SRP68: variants seen among roughly 807,000 people sequenced by gnomAD.
SRP68 encodes the protein signal recognition particle 68.
In SRP68, 15 loss-of-function variants were observed where a neutral mutation model predicts 82.2. That is an observed-to-expected ratio of 0.18 (90% CI 0.12 to 0.28). The LOEUF (loss-of-function observed/expected upper bound fraction) is 0.28. Among genes scored for constraint, SRP68 ranks in the 10% least tolerant of loss-of-function variants. The pLI is 1.00. For synonymous variants in SRP68, 261 were observed against 292.6 expected (o/e 0.89, Z 1.10); for missense variants, 595 against 780.5 (o/e 0.76, Z 2.83).
At chr17:76,044,018 T>C in intron 12 of SRP68, 60 bp from the exon 13 acceptor site, 1 of 1,552,918 alleles carries the variant, frequency 6.4e-7, no homozygotes, top group East Asian at 2.3e-5. Context: ...AGACCAAGGC[T>C]TTCCTTGCAG....
intron 4 of SRP68, among the ~76,000 whole-genome samples, chr17:76,062,937 AT>A (rs1212045325): frequency 3.4e-5 from 5 of 148,120 alleles, no homozygotes; most frequent in East Asian, 2.0e-4. Flanking sequence ...CGCCCAGCTA[AT>A]TTTTTGTATT....
chr17:76,054,760 T>G (rs1054535183), intron 8 of SRP68, among the ~76,000 whole-genome samples: 2 of 151,038 alleles, frequency 1.3e-5, no homozygotes, highest in African/African-American at 2.4e-5. Context: ...GACACGGAGG[T>G]TGCAGTGAGC....
chr17:76,053,441 C>T (rs1472623411), intron 8 of SRP68: 10 of 985,152 alleles, frequency 1.0e-5, no homozygotes, highest in East Asian at 1.1e-4. Context: ...GAGCGAACTT[C>T]GTCTTACCAG....
At chr17:76,070,228 A>C in intron 2 of SRP68, 150 bp downstream of exon 2, 4 of 690,214 alleles carry the variant, frequency 5.8e-6, no homozygotes. Context: ...ATCTCAAAAA[A>C]AAAAAAAAAA....
chr17:76,054,216 G>T (rs568848255), intron 8 of SRP68, among the ~76,000 whole-genome samples: 6 of 152,322 alleles, frequency 3.9e-5, no homozygotes, highest in Admixed American at 3.3e-4. Flanking sequence ...GCGAGCTGCA[G>T]TGTGTCCTGA....
At position 76,058,830 on chromosome 17, in the gene SRP68, C is replaced by T. The variant is rs118053306; in HGVS notation, c.838-1287G>A. On this transcript the variant is annotated intron_variant, in intron 7 of 15. Transcript: ENST00000307877. ...AAATAATCAAGAATGTGTGCAAAAT[C>T]TGAGGACATGGACATTCATGGTAAT... Among the ~76,000 whole-genome samples the T allele has an allele frequency of 3.9e-5, 6 of 152,282 alleles. No homozygotes were observed. The East Asian group carries it at 1.2e-3, about 29-fold the overall frequency.
Position 76,047,948 on chromosome 17 carries a change from T to G in SRP68, c.1100A>C (p.Glu367Ala), listed in dbSNP as rs1445132721. Residue 367 changes from glutamate to alanine, a missense_variant, in exon 10 of 16, where the codon GAA (glutamate) becomes GCA (alanine). By Grantham distance (107) the Glu-to-Ala change is moderately radical (BLOSUM62 -1). Coordinates refer to ENST00000307877, the MANE Select transcript of SRP68 (RefSeq NM_014230.4). Reference sequence around the variant, plus strand: ...ATTAGACACCTTCCCTGGCTCTCCTTCAAGGATATAATCTCTCTGTTTCTG... The same window carrying G: ...ATTAGACACCTTCCCTGGCTCTCCTGCAAGGATATAATCTCTCTGTTTCTG... ...PDQKQRDYIL[E>A]GEPGKVSNLQ... The G allele has an allele frequency of 6.3e-7, 1 of 1,579,498 alleles. No individual in the cohort carries two copies. Among genetic ancestry groups the G allele is most frequent in the African/African-American group, 1.3e-5 (1 of 74,262 alleles).
chr17:76,062,090 G>C (rs1478406319), intron 4 of SRP68, among the ~76,000 whole-genome samples: 2 of 152,008 alleles, frequency 1.3e-5, no homozygotes, highest in African/African-American at 2.4e-5. Flanking sequence ...TTGGGGACCA[G>C]CCTGGCCAAC....
At chr17:76,069,905 C>T (rs1444923452) in intron 2 of SRP68, among the ~76,000 whole-genome samples, 2 of 151,360 alleles carry the variant, frequency 1.3e-5, no homozygotes, top group African/African-American at 2.4e-5. Flanking sequence ...GGCGAAACCC[C>T]ATCTCTACTA....
chr17:76,050,697 T>C (rs750009924), intron 8 of SRP68, among the ~76,000 whole-genome samples, 171 bp from the exon 9 acceptor site: 3 of 88,174 alleles, frequency 3.4e-5, no homozygotes, highest in Non-Finnish European at 7.2e-5. Context: ...TGGTTTCTCA[T>C]AGCCTTAGTC....
intron 2 of SRP68, among the ~76,000 whole-genome samples, chr17:76,068,850 G>A (rs1459316402): frequency 1.3e-5 from 2 of 152,000 alleles, no homozygotes. Flanking sequence ...GCAATTCTCG[G>A]GCCTCATCCT....
chr17:76,049,982 A>T (rs577029380), intron 9 of SRP68, among the ~76,000 whole-genome samples: 1 of 152,364 alleles, frequency 6.6e-6, no homozygotes, highest in South Asian at 2.1e-4. Context: ...GCCTAGGCAC[A>T]CGAGAAAAGG....
At chr17:76,052,531 G>A (rs142891987) in intron 8 of SRP68, among the ~76,000 whole-genome samples, 2,352 of 152,256 alleles carry the variant, frequency 0.015, 53 homozygotes, top group African/African-American at 0.054. Context: ...TGGGCTGGGC[G>A]CGGTGGCTCA....
chr17:76,040,788 T>C (rs1404905500), intron 14 of SRP68, 115 bp downstream of exon 14: 4 of 1,016,072 alleles, frequency 3.9e-6, no homozygotes, highest in Non-Finnish European at 6.0e-6. Context: ...AGGAACATCT[T>C]ACAGATGAAC....
chr17:76,039,684 C>G lies in SRP68; in HGVS notation c.*22G>C. 4 of 1,602,324 alleles carry G rather than the reference C, an allele frequency of 2.5e-6. No individual in the cohort carries two copies. Among genetic ancestry groups the G allele is most frequent in the Non-Finnish European group, 3.4e-6 (4 of 1,169,832 alleles). On this transcript the variant is annotated 3_prime_UTR_variant, in exon 16 of 16. Transcript: ENST00000307877. Reference sequence around the variant, plus strand: ...TACAGATTAAGAGTCAGAATCTCCCCCGCCCCCGAGGAAGAGCCTGGTTAG... The same window carrying G: ...TACAGATTAAGAGTCAGAATCTCCCGCGCCCCCGAGGAAGAGCCTGGTTAG...
At position 76,072,363 on chromosome 17, in the gene SRP68, G is replaced by A; in HGVS notation, c.129C>T (p.Arg43=). 1 of 1,612,660 alleles carries A rather than the reference G, an allele frequency of 6.2e-7. No individual in the cohort carries two copies. The highest frequency in any genetic ancestry group is 8.5e-7 in the Non-Finnish European group (1 of 1,179,770). ...TGTTTGCCTTCGATCCGGCCGAAGG[G>A]CGTTCGTTTTCTTTATTTTCTTCCC... The part of the protein sequence containing the change: ...AGGEENKENE[R]PSAGSKANKE... Residue 43 remains arginine, a synonymous_variant, in exon 1 of 16, where the codon CGC becomes CGT. Transcript: ENST00000307877. The surrounding 1 kb of genome is among the most constrained non-coding windows in gnomAD (Gnocchi z 4.5).
intron 8 of SRP68, among the ~76,000 whole-genome samples, chr17:76,052,064 C>T (rs368853820): frequency 1.3e-3 from 192 of 152,204 alleles, no homozygotes; most frequent in African/African-American, 4.3e-3. Flanking sequence ...CCCGCCACCA[C>T]GCCTGGCTAT....
chr17:76,069,000 T>A (rs1018796820), intron 2 of SRP68, among the ~76,000 whole-genome samples: 2 of 142,460 alleles, frequency 1.4e-5, no homozygotes, highest in Admixed American at 6.9e-5. Flanking sequence ...AAAATATATA[T>A]ATAAATAAAT....
chr17:76,050,390 G>C, intron 9 of SRP68, 38 bp downstream of exon 9: 1 of 1,484,450 alleles, frequency 6.7e-7, no homozygotes, highest in Non-Finnish European at 9.4e-7. Context: ...ACCTGGACCC[G>C]CCCAGAGCAA....
Sources: allele counts gnomAD v4.1 joint callset (sites outside exome capture counted in the v4.1 genomes callset), GRCh38; gene constraint gnomAD v4.1.1; non-coding constraint Gnocchi (gnomAD v3.1); transcripts MANE v1.5; gene names NCBI Gene and HGNC (gene_info 2026-07-23, HGNC 2026-07-21).